Variants in ZNF514 observed in about 807,000 individuals in gnomAD.
ZNF514 encodes zinc finger protein 514.
A neutral mutation model predicts 9.7 loss-of-function variants in ZNF514; 12 were observed. The ratio of observed to expected loss-of-function variants is 1.24; its 90% CI spans 0.79 to 2.01. ZNF514 has a LOEUF of 2.01. Ranked by LOEUF, ZNF514 falls within the 30% of genes most tolerant of loss-of-function variation. The probability of loss-of-function intolerance (pLI) is 0.00; values close to 1 mark genes in which losing one functional copy is unlikely to be tolerated. For synonymous variants in ZNF514, 158 were observed against 163.7 expected (o/e 0.97, Z 0.27); for missense variants, 467 against 465.5 (o/e 1.00, Z -0.03).
the ZNF514 span, among the ~76,000 whole-genome samples, chr2:95,125,163 G>A: frequency 3.3e-5 from 5 of 151,382 alleles, no homozygotes; most frequent in Non-Finnish European, 7.4e-5. Flanking sequence ...ACAGGCATGA[G>A]CCACTGTGCC....
chr2:95,150,308 G>A lies in ZNF514; in HGVS notation c.218-41C>T, dbSNP rs898016376. On this transcript the variant is annotated intron_variant, in intron 4 of 4. Transcript: ENST00000295208. ...AAAAAAAAAGAAGACATTCTAGTAT[G>A]TAGAATGTCCTATGTAGCAAGAAAA... 4.7e-6 allele frequency: 7 copies of A among 1,496,304 alleles called. No individual in the cohort carries two copies. In the African/African-American group the frequency reaches 1.0e-4, roughly 21 times the overall value. The allele number at this position is 1,496,304 out of a possible 1,614,324, so 92.7% of individuals were successfully genotyped here.
downstream of ZNF514, among the ~76,000 whole-genome samples, chr2:95,142,834 G>A (rs988489177): frequency 2.0e-4 from 30 of 152,216 alleles, no homozygotes; most frequent in African/African-American, 6.5e-4. Context: ...AACTCTGGCC[G>A]AAGTTATGAA....
At chr2:95,152,649 G>T in intron 4 of ZNF514, 25 bp downstream of exon 4, 1 of 1,600,454 alleles carries the variant, frequency 6.2e-7, no homozygotes, top group Non-Finnish European at 8.6e-7. Context: ...CTTATCATAT[G>T]CAATGCTTTC....
At chr2:95,143,581 T>G (rs1162836718), downstream of ZNF514, among the ~76,000 whole-genome samples, 2 of 152,208 alleles carry the variant, frequency 1.3e-5, no homozygotes, top group African/African-American at 4.8e-5. Flanking sequence ...ATCGTGCCAC[T>G]GCACTCCAGC....
the ZNF514 span, among the ~76,000 whole-genome samples, chr2:95,133,451 A>T: frequency 6.6e-6 from 1 of 152,174 alleles, no homozygotes; most frequent in African/African-American, 2.4e-5. Flanking sequence ...GGTTGTCAGG[A>T]GTTAGGAAGG....
intron 2 of ZNF514, 156 bp from the exon 3 acceptor site, chr2:95,153,415 T>C: frequency 1.6e-6 from 1 of 633,688 alleles, no homozygotes; most frequent in Non-Finnish European, 2.4e-6. Context: ...CAAAAGGTTT[T>C]ATTCTCAATC....
chr2:95,127,589 GTTTTTGTTTTTGTT>G, the ZNF514 span, among the ~76,000 whole-genome samples: 2 of 151,498 alleles, frequency 1.3e-5, no homozygotes, highest in African/African-American at 4.8e-5. Context: ...TTGTTTTTTT[GTTTTTGTTTTTGTT>G]TTTTTGTTTT....
the ZNF514 span, among the ~76,000 whole-genome samples, chr2:95,133,015 T>C: frequency 6.6e-6 from 1 of 152,158 alleles, no homozygotes; most frequent in Admixed American, 6.5e-5. Flanking sequence ...TTATTTGTAA[T>C]AGCCTTCAAA....
At chr2:95,133,434 G>A in the ZNF514 span, among the ~76,000 whole-genome samples, 3 of 152,214 alleles carry the variant, frequency 2.0e-5, no homozygotes, top group Non-Finnish European at 4.4e-5. Context: ...ATGGAGACCA[G>A]ATGAGTGGTT....
At chr2:95,136,133 C>CAATGT in the ZNF514 span, among the ~76,000 whole-genome samples, 1 of 152,094 alleles carries the variant, frequency 6.6e-6, no homozygotes, top group African/African-American at 2.4e-5. Flanking sequence ...TTGTATCCAG[C>CAATGT]AATGTTGCTA....
rs1673379436 is a variant in ZNF514 at position 95,147,112 on chromosome 2, T to C, written c.*2170A>G. ...CTAATCCTTATTAGGCAAGTATCCT[T>C]TGGTCTACGCCAGCTCCTGGTCTAG... On this transcript the variant is annotated 3_prime_UTR_variant, in exon 5 of 5. Transcript: ENST00000295208. 6.6e-6 allele frequency among the ~76,000 whole-genome samples: 1 copy of C among 152,214 alleles called. No individual in the cohort carries two copies. Among genetic ancestry groups the C allele is most frequent in the South Asian group, 2.1e-4 (1 of 4,826 alleles).
At chr2:95,125,505 TG>T in the ZNF514 span, among the ~76,000 whole-genome samples, 1 of 152,214 alleles carries the variant, frequency 6.6e-6, no homozygotes, top group Non-Finnish European at 1.5e-5. Context: ...CCCAAAGTGC[TG>T]GGATTATAGG....
the ZNF514 span, among the ~76,000 whole-genome samples, chr2:95,137,922 G>C: frequency 6.6e-6 from 1 of 152,270 alleles, no homozygotes; most frequent in Admixed American, 6.5e-5. Context: ...CTCATGAATG[G>C]AGTGCATTCT....
chr2:95,144,131 CCAGA>C (rs201692987), downstream of ZNF514, among the ~76,000 whole-genome samples: 54 of 152,222 alleles, frequency 3.5e-4, no homozygotes, highest in East Asian at 1.2e-3. Context: ...TGTAAGCAGC[CCAGA>C]CACTCAGCTG....
chr2:95,147,731 C>T lies in ZNF514; in HGVS notation c.*1551G>A, dbSNP rs1414076623. On this transcript the variant is annotated 3_prime_UTR_variant, in exon 5 of 5. Coordinates refer to ENST00000295208, the MANE Select transcript of ZNF514 (RefSeq NM_032788.3). ...TCGGCTGACTGCAAGCTCTGCCTCC[C>T]CGATTCACGCCATTCTCCTGTCTCA... The T allele has an allele frequency of 6.6e-5, 10 of 151,880 alleles. No homozygotes were observed. The highest frequency in any genetic ancestry group is 1.3e-4 in the Non-Finnish European group (9 of 67,980). The allele number at this position is 151,880 out of a possible 1,614,324, so 9.4% of individuals were successfully genotyped here. A position where few individuals can be genotyped will look rare whatever the true frequency, so the allele number is the denominator to read the frequency against.
chr2:95,158,976 G>T (rs1420849795), intron 1 of ZNF514: 1 of 1,288,724 alleles, frequency 7.8e-7, no homozygotes, highest in Non-Finnish European at 1.0e-6. Flanking sequence ...TGATGCTGTG[G>T]AGTCCATAGC....
the ZNF514 span, among the ~76,000 whole-genome samples, chr2:95,124,683 G>C: frequency 6.6e-6 from 1 of 151,582 alleles, no homozygotes; most frequent in Non-Finnish European, 1.5e-5. Context: ...TGTATTTTTA[G>C]TAGAGACGGG....
the ZNF514 span, among the ~76,000 whole-genome samples, chr2:95,134,277 TCA>T: frequency 6.6e-6 from 1 of 152,150 alleles, no homozygotes; most frequent in Non-Finnish European, 1.5e-5. Context: ...AAATTAGGCC[TCA>T]GTCTTAGGGA....
intron 4 of ZNF514, among the ~76,000 whole-genome samples, chr2:95,152,104 C>G (rs1364419068): frequency 1.3e-5 from 2 of 152,164 alleles, no homozygotes; most frequent in African/African-American, 4.8e-5. Flanking sequence ...AATTCTGCTC[C>G]AAGGCATATA....
Sources: allele counts gnomAD v4.1 joint callset (sites outside exome capture counted in the v4.1 genomes callset), GRCh38; gene constraint gnomAD v4.1.1; transcripts MANE v1.5; gene names NCBI Gene and HGNC (gene_info 2026-07-23, HGNC 2026-07-21).